The following HGS variants were observed in gnomAD, a reference collection of about 807,000 sequenced individuals.
The protein encoded by HGS is hepatocyte growth factor-regulated tyrosine kinase substrate, also known as human growth factor-regulated tyrosine kinase substrate.
Under a neutral mutation model 109.7 loss-of-function variants are expected in HGS, and 63 were observed. The observed-to-expected ratio is 0.57, with a 90% confidence interval of 0.47 to 0.71. The LOEUF is 0.71. Among genes scored for constraint, HGS ranks in the 30% least tolerant of loss-of-function variants. The probability of loss-of-function intolerance (pLI) is 0.00; values close to 1 mark genes in which losing one functional copy is unlikely to be tolerated. For synonymous variants in HGS, 546 were observed against 437.3 expected (o/e 1.25, Z -3.10); for missense variants, 995 against 1,068.3 (o/e 0.93, Z 0.96).
Position 81,701,150 on chromosome 17 carries a change from C to G in HGS, c.2223+19C>G. 1.9e-6 allele frequency: 3 copies of G among 1,604,680 alleles called. No homozygotes were observed. The highest frequency in any genetic ancestry group is 1.7e-6 in the Non-Finnish European group (2 of 1,171,892). On this transcript the variant is annotated intron_variant, in intron 21 of 21. Coordinates refer to ENST00000329138, the MANE Select transcript of HGS (RefSeq NM_004712.5). ...CCAGCAGGTGAGCCATTCCCGGGGC[C>G]TCACAGCGGCACCCGCAGGGCACCC... is the stretch of plus-strand genomic sequence containing the variant.
intron 4 of HGS, among the ~76,000 whole-genome samples, chr17:81,687,706 C>T (rs969765506): frequency 6.6e-6 from 1 of 152,318 alleles, no homozygotes; most frequent in East Asian, 1.9e-4. Flanking sequence ...GACTGTGATG[C>T]AGTGGGGATG....
Position 81,700,555 on chromosome 17 carries a change from C to T in HGS, c.1971C>T (p.Ser657=), listed in dbSNP as rs754429930. The T allele has an allele frequency of 1.9e-6, 3 of 1,610,812 alleles. No homozygotes were observed. Among genetic ancestry groups the T allele is most frequent in the Non-Finnish European group, 2.5e-6 (3 of 1,178,474 alleles). ...AGGCCCAGGCCGGACCCACCGCCAG[C>T]CCCGCTTACTCATCCTACCAGCCTA... ...APQAQAGPTA[S]PAYSSYQPTP... is the part of the protein sequence containing the mutation. Residue 657 remains serine, a synonymous_variant, in exon 19 of 22, where the codon AGC becomes AGT. Coordinates refer to ENST00000329138, the MANE Select transcript of HGS (RefSeq NM_004712.5).
intron 21 of HGS, 118 bp from the exon 22 acceptor site, chr17:81,701,390 C>A: frequency 8.9e-7 from 1 of 1,128,468 alleles, no homozygotes; most frequent in Non-Finnish European, 1.2e-6. Context: ...GCATGAGCTG[C>A]AGTCCGTGGA....
At chr17:81,692,269 G>A (rs1184622419) in intron 8 of HGS, 1 of 152,194 alleles carries the variant, frequency 6.6e-6, no homozygotes, top group African/African-American at 2.4e-5. Flanking sequence ...TCCCTGCTTG[G>A]TTCCCTTTTC....
Position 81,693,654 on chromosome 17 carries a change from C to T in HGS, c.742C>T (p.Leu248=), listed in dbSNP as rs773192206. Residue 248 remains leucine (L), a splice_region_variant and synonymous_variant, in exon 10 of 22, where the codon CTG becomes TTG. Transcript: ENST00000329138. ...CCTCACCCTCCCCGCTTGTCCTCAG[C>T]TGCCCCCCAAGAGGGACGAGACGGC... ...LTSPLSQQSQ[L]PPKRDETALQ... 12 of 1,548,632 alleles carry T rather than the reference C, an allele frequency of 7.7e-6. No homozygotes were observed. Among genetic ancestry groups the T allele is most frequent in the Admixed American group, 2.0e-5 (1 of 50,982 alleles).
chr17:81,697,462 A>AG (rs1244805795), intron 18 of HGS: 1 of 152,380 alleles, frequency 6.6e-6, no homozygotes, highest in East Asian at 2.0e-4. Flanking sequence ...TCCTCAGCTC[A>AG]GGTTTGTCTG....
At position 81,693,921 on chromosome 17, in the gene HGS, G is replaced by A. The variant is rs777243059; in HGVS notation, c.892G>A (p.Ala298Thr). The A allele has an allele frequency of 1.2e-6, 2 of 1,611,542 alleles. No homozygotes were observed. Among genetic ancestry groups the A allele is most frequent in the South Asian group, 2.2e-5 (2 of 91,010 alleles). The change falls in exon 11 of 22, where the codon GCC (alanine) becomes ACC (threonine). Residue 298 changes from alanine (A) to threonine (T), a missense_variant. This residue lies in a region of HGS where 300 missense variants were observed against 235.4 expected (regional missense o/e 1.27). Coordinates refer to ENST00000329138, the MANE Select transcript of HGS (RefSeq NM_004712.5). ...CCCCAAGGCGGAGCCCATGCCCTCGGCCTCCTCAGCGCCCCCCGCCAGCAG... is the reference window on the plus strand; with the variant it reads ...CCCCAAGGCGGAGCCCATGCCCTCGACCTCCTCAGCGCCCCCCGCCAGCAG... ...SYPKAEPMPS[A>T]SSAPPASSLY... is the part of the protein sequence containing the mutation.
intron 8 of HGS, chr17:81,692,490 T>G (rs1406974256): frequency 2.0e-5 from 3 of 152,232 alleles, no homozygotes; most frequent in Non-Finnish European, 4.4e-5. Flanking sequence ...TTCCTTCTTG[T>G]AACTGAGAAG....
chr17:81,701,141 TC>T lies in HGS; in HGVS notation c.2223+13del, dbSNP rs766384936. On this transcript the variant is annotated intron_variant, in intron 21 of 21. Coordinates refer to ENST00000329138, the MANE Select transcript of HGS (RefSeq NM_004712.5). ...GCCCATGTACCAGCAGGTGAGCCAT[TC>T]CCGGGGCCTCACAGCGGCACCCGCA... 1 of 1,611,524 alleles carries T rather than the reference TC, an allele frequency of 6.2e-7. No homozygotes were observed.
chr17:81,693,429 G>A, intron 8 of HGS, 74 bp from the exon 9 acceptor site: 1 of 1,100,718 alleles, frequency 9.1e-7, no homozygotes, highest in South Asian at 1.3e-5. Flanking sequence ...GCCCGCAGAG[G>A]TGTGGTTGAG....
chr17:81,697,686 T>C (rs1222673747), intron 18 of HGS: 4 of 152,242 alleles, frequency 2.6e-5, no homozygotes, highest in South Asian at 2.1e-4. Context: ...TTTTTGCTAA[T>C]GTTGCCTGTG....
rs1479694204 is a variant in HGS, at chr17:81,696,965, G to A, written c.1849G>A (p.Gly617Ser). The change falls in exon 18 of 22, where the codon GGC becomes AGC. Residue 617 changes from glycine to serine, a missense_variant. This residue lies in a region of HGS where 326 missense variants were observed against 309.7 expected (regional missense o/e 1.05). Coordinates refer to ENST00000329138, the MANE Select transcript of HGS (RefSeq NM_004712.5). ...CATGAGCCAGCCGGCCCCTGCCGCT[G>A]GCCCCTACCCCAGCATGCCCAGCAC... ...VYMSQPAPAAGPYPSMPSTAA... is the reference protein window; with the variant it reads ...VYMSQPAPAASPYPSMPSTAA... 1 of 1,600,866 alleles carries A rather than the reference G, an allele frequency of 6.2e-7. No individual in the cohort carries two copies. The highest frequency in any genetic ancestry group is 8.5e-7 in the Non-Finnish European group (1 of 1,177,112).
rs1391166611 is a variant in HGS at position 81,701,112 on chromosome 17, A to G, written c.2204A>G (p.Gln735Arg). Reference sequence around the variant, plus strand: ...CCCCAGCAGCCCTACATCGCGGGGCAGCAGCCCATGTACCAGCAGGTGAGC... The same window carrying G: ...CCCCAGCAGCCCTACATCGCGGGGCGGCAGCCCATGTACCAGCAGGTGAGC... ...LPPQQPYIAG[Q>R]QPMYQQMAPS... The change falls in exon 21 of 22, where the codon CAG (glutamine) becomes CGG (arginine). Residue 735 changes from glutamine (Q) to arginine (R), a missense_variant. Around this residue, in one of 6 missense-constraint regions of HGS, gnomAD observed 326 missense variants for 309.7 expected, o/e 1.05. Coordinates refer to ENST00000329138, the MANE Select transcript of HGS (RefSeq NM_004712.5). 5.0e-6 allele frequency: 8 copies of G among 1,613,750 alleles called. No individual in the cohort carries two copies. Among genetic ancestry groups the G allele is most frequent in the Non-Finnish European group, 5.1e-6 (6 of 1,179,960 alleles).
In HGS at chr17:81,700,508, A is replaced by C; in HGVS notation, c.1924A>C (p.Thr642Pro). Residue 642 changes from threonine to proline, a missense_variant, in exon 19 of 22, where the codon ACT becomes CCT. Coordinates refer to ENST00000329138, the MANE Select transcript of HGS (RefSeq NM_004712.5). ...VSAYMYPAGA[T>P]GAQAAPQAQA... is the part of the protein sequence containing the mutation. The stretch of plus-strand genomic sequence containing the variant: ...TGCCTACATGTACCCAGCAGGGGCC[A>C]CTGGGGCGCAGGCGGCCCCCCAGGC... 6.2e-7 allele frequency: 1 copy of C among 1,606,364 alleles called. No individual in the cohort carries two copies. The highest frequency in any genetic ancestry group is 8.5e-7 in the Non-Finnish European group (1 of 1,176,126).
intron 7 of HGS, 56 bp downstream of exon 7, chr17:81,690,798 G>A (rs774446260): frequency 9.3e-6 from 14 of 1,501,196 alleles, no homozygotes; most frequent in African/African-American, 5.5e-5. Flanking sequence ...GTCCCCTGCC[G>A]TGCACAAGGC....
At chr17:81,686,145 G>A (rs1310810333) in intron 2 of HGS, 167 bp from the exon 3 acceptor site, 22 of 613,712 alleles carry the variant, frequency 3.6e-5, no homozygotes, top group Non-Finnish European at 5.8e-5. Context: ...TGCACAGGCT[G>A]GTCTCAGACT....
intron 10 of HGS, 30 bp from the exon 11 acceptor site, chr17:81,693,840 C>G (rs745865486): frequency 6.3e-7 from 1 of 1,580,798 alleles, no homozygotes; most frequent in Admixed American, 1.8e-5. Context: ...CACGTGCACC[C>G]AAGTGACGCC....
chr17:81,699,311 G>A (rs2037198481), intron 18 of HGS, among the ~76,000 whole-genome samples: 1 of 152,218 alleles, frequency 6.6e-6, no homozygotes, highest in Non-Finnish European at 1.5e-5. Context: ...GGGTTCAGAA[G>A]TTACTGGAAT....
intron 18 of HGS, among the ~76,000 whole-genome samples, chr17:81,700,132 C>G (rs913147998): frequency 1.3e-5 from 2 of 151,430 alleles, no homozygotes; most frequent in East Asian, 3.9e-4. Flanking sequence ...TTTGGGAGGC[C>G]GAGGCGGGCG....
Sources: gnomAD v4.1 joint callset for allele counts (sites outside exome capture counted in the v4.1 genomes callset) on GRCh38, gnomAD v4.1.1 for gene constraint, gnomAD v4.1.1 regional missense constraint, MANE v1.5 for transcripts, NCBI Gene and HGNC (gene_info 2026-07-23, HGNC 2026-07-21) for gene names.